The following MSRA variants were observed in gnomAD, a reference collection of about 807,000 sequenced individuals.
MSRA encodes the protein mitochondrial peptide methionine sulfoxide reductase.
MSRA carries 54 observed loss-of-function variants against 31.3 expected under a neutral mutation model. The observed-to-expected ratio is 1.73, with a 90% CI of 1.39 to 2.17. The LOEUF is 2.17. MSRA is among the 30% of genes most tolerant of loss of function. The probability of loss-of-function intolerance (pLI) is 0.00; values close to 1 mark genes in which losing one functional copy is unlikely to be tolerated. For missense variants in MSRA, 507 were observed against 300.9 expected (o/e 1.69, Z -5.07); for synonymous variants, 169 against 116.5 (o/e 1.45, Z -2.90).
intron 3 of MSRA, among the ~76,000 whole-genome samples, chr8:10,249,747 G>A (rs983609756): frequency 2.0e-5 from 3 of 152,166 alleles, no homozygotes; most frequent in African/African-American, 7.2e-5. Flanking sequence ...TCTAAGAGAT[G>A]TGCTGAGAAG....
chr8:10,297,271 G>A (rs1008177925), intron 3 of MSRA, among the ~76,000 whole-genome samples: 1 of 152,206 alleles, frequency 6.6e-6, no homozygotes. Flanking sequence ...CTTCCTCTGG[G>A]GCTGTGGGGT....
At chr8:10,245,333 C>G in intron 3 of MSRA, 110 bp downstream of exon 3, 2 of 1,042,698 alleles carry the variant, frequency 1.9e-6, no homozygotes, top group Non-Finnish European at 2.8e-6. Flanking sequence ...AAAAATGTTT[C>G]TTCAATCTTT....
intron 1 of MSRA, among the ~76,000 whole-genome samples, chr8:10,163,034 G>A (rs776640764): frequency 2.6e-5 from 4 of 152,000 alleles, no homozygotes; most frequent in Non-Finnish European, 5.9e-5. Flanking sequence ...ACGAGAGTGC[G>A]ACCCTCATGA....
At chr8:10,362,659 C>T (rs1585585889) in intron 5 of MSRA, among the ~76,000 whole-genome samples, 1 of 152,000 alleles carries the variant, frequency 6.6e-6, no homozygotes, top group African/African-American at 2.4e-5. Context: ...TGCTCCCCCA[C>T]CAATTTCTCC....
At chr8:10,127,045 C>G (rs1184414664) in intron 1 of MSRA, among the ~76,000 whole-genome samples, 1 of 152,222 alleles carries the variant, frequency 6.6e-6, no homozygotes, top group African/African-American at 2.4e-5. Flanking sequence ...GAGTTAACTA[C>G]AGATGACATT....
At chr8:10,198,201 A>C (rs1186830196) in intron 1 of MSRA, among the ~76,000 whole-genome samples, 1 of 152,222 alleles carries the variant, frequency 6.6e-6, no homozygotes, top group East Asian at 1.9e-4. Context: ...ATAAAGAAGG[A>C]AGCAAAATCA....
intron 4 of MSRA, among the ~76,000 whole-genome samples, chr8:10,318,855 G>C (rs776805320): frequency 6.6e-6 from 1 of 152,164 alleles, no homozygotes. Context: ...TCAGGGCTTT[G>C]ACACAGATGC....
At chr8:10,129,930 T>C (rs1027191444) in intron 1 of MSRA, among the ~76,000 whole-genome samples, 10 of 152,284 alleles carry the variant, frequency 6.6e-5, no homozygotes, top group African/African-American at 2.4e-4. Flanking sequence ...ATATAAAACC[T>C]GTGACATAAA....
intron 5 of MSRA, among the ~76,000 whole-genome samples, chr8:10,386,658 T>C (rs1013015121): frequency 3.9e-5 from 6 of 152,050 alleles, no homozygotes; most frequent in African/African-American, 1.4e-4. Flanking sequence ...GGTCCCAAAA[T>C]AGGCATGTCT....
chr8:10,357,544 T>C (rs148764128), intron 5 of MSRA, among the ~76,000 whole-genome samples: 2 of 152,334 alleles, frequency 1.3e-5, no homozygotes, highest in East Asian at 3.9e-4. Context: ...CTCCTTCACA[T>C]TGGCTCTGGG....
intron 1 of MSRA, among the ~76,000 whole-genome samples, chr8:10,186,425 A>T (rs1433502839): frequency 6.6e-6 from 1 of 152,142 alleles, no homozygotes; most frequent in Non-Finnish European, 1.5e-5. Flanking sequence ...TGACACTCAA[A>T]TTTGAATCTC....
intron 5 of MSRA, among the ~76,000 whole-genome samples, chr8:10,349,342 C>G (rs906168585): frequency 6.6e-5 from 10 of 152,192 alleles, no homozygotes; most frequent in African/African-American, 1.9e-4. Context: ...CTCCGCCGTG[C>G]TCTTCCCCAT....
chr8:10,203,546 C>T (rs1808682306), intron 1 of MSRA, among the ~76,000 whole-genome samples: 2 of 152,196 alleles, frequency 1.3e-5, no homozygotes, highest in African/African-American at 2.4e-5. Context: ...TAGCACAACA[C>T]ATTATTCATG....
chr8:10,284,269 A>G (rs575101162), intron 3 of MSRA, among the ~76,000 whole-genome samples: 3 of 152,020 alleles, frequency 2.0e-5, no homozygotes, highest in African/African-American at 7.2e-5. Context: ...GCTCACTGCA[A>G]CCTCCACCTC....
chr8:10,312,818 C>T (rs1801505574), intron 4 of MSRA, among the ~76,000 whole-genome samples: 1 of 152,102 alleles, frequency 6.6e-6, no homozygotes, highest in Non-Finnish European at 1.5e-5. Context: ...GAAATAGATG[C>T]TTAAAAAGTA....
intron 5 of MSRA, among the ~76,000 whole-genome samples, chr8:10,338,296 G>A (rs774869166): frequency 1.4e-4 from 22 of 152,200 alleles, no homozygotes; most frequent in African/African-American, 2.2e-4. Flanking sequence ...GGAATCTGAA[G>A]AAGTTGAAAT....
chr8:10,412,541 C>CG (rs1490653105), intron 5 of MSRA, among the ~76,000 whole-genome samples: 1 of 152,156 alleles, frequency 6.6e-6, no homozygotes, highest in Non-Finnish European at 1.5e-5. Flanking sequence ...ACAGGGGTTA[C>CG]GCGTTTGAAG....
chr8:10,310,328 A>C (rs1256579616), intron 4 of MSRA, among the ~76,000 whole-genome samples: 1 of 152,216 alleles, frequency 6.6e-6, no homozygotes, highest in Non-Finnish European at 1.5e-5. Flanking sequence ...AACAGAGAAA[A>C]ATGAAACAAA....
intron 1 of MSRA, among the ~76,000 whole-genome samples, chr8:10,105,313 C>T (rs773571804): frequency 1.6e-4 from 25 of 152,050 alleles, no homozygotes; most frequent in Admixed American, 2.6e-4. Context: ...TACATGCTTA[C>T]AATCCATGCT....
Sources: allele counts gnomAD v4.1 joint callset (sites outside exome capture counted in the v4.1 genomes callset), GRCh38; gene constraint gnomAD v4.1.1; transcripts MANE v1.5; gene names NCBI Gene and HGNC (gene_info 2026-07-23, HGNC 2026-07-21).